The following ZMYND19 variants were observed in gnomAD, a reference collection of about 807,000 sequenced individuals.
The protein encoded by ZMYND19 is zinc finger MYND domain-containing protein 19.
ZMYND19 carries 17 observed loss-of-function variants against 32.0 expected under a neutral mutation model. The observed-to-expected ratio is 0.53, with a 90% CI of 0.36 to 0.80. The LOEUF (loss-of-function observed/expected upper bound fraction) is 0.80. Among genes scored for constraint, ZMYND19 ranks in the 30% least tolerant of loss-of-function variants. ZMYND19 has a pLI of 0.00. For synonymous variants in ZMYND19, 124 were observed against 113.6 expected, an observed-to-expected ratio of 1.09 and a Z score of -0.58; for missense variants, 250 against 293.6, an observed-to-expected ratio of 0.85 and a Z score of 1.09.
chr9:137,589,351 C>G, intron 1 of ZMYND19: 1 of 985,440 alleles, frequency 1.0e-6, no homozygotes, highest in Non-Finnish European at 1.2e-6. Flanking sequence ...GGTCCCAGAA[C>G]GGGCCAGTCT....
At chr9:137,583,189 G>A in intron 4 of ZMYND19, 26 bp from the exon 5 acceptor site, 1 of 1,610,306 alleles carries the variant, frequency 6.2e-7, no homozygotes, top group Non-Finnish European at 8.5e-7. Flanking sequence ...AGACACTTGA[G>A]TGCACTCTGG....
Position 137,589,245 on chromosome 9 carries a change from A to G in ZMYND19, c.52-527T>C, listed in dbSNP as rs188828077. ...AGTTAGAAGGGGTCTCTGGTCTCCG[A>G]CCTGACTGGAGAGCCCACCCTTCCC... On this transcript the variant is annotated intron_variant, in intron 1 of 5. Coordinates refer to ENST00000298585, the MANE Select transcript of ZMYND19 (RefSeq NM_138462.3). The G allele has an allele frequency of 7.7e-3, 5,795 of 752,276 alleles. 30 individuals carry two copies. Among genetic ancestry groups the G allele is most frequent in the Admixed American group, 9.6e-3 (154 of 15,968 alleles). The allele number at this position is 752,276 out of a possible 1,614,324, so 46.6% of individuals were successfully genotyped here. A position where few individuals can be genotyped will look rare whatever the true frequency, so the allele number is the denominator to read the frequency against.
intron 2 of ZMYND19, among the ~76,000 whole-genome samples, chr9:137,588,233 A>AC (rs1337340018): frequency 6.6e-6 from 1 of 152,144 alleles, no homozygotes; most frequent in Non-Finnish European, 1.5e-5. Flanking sequence ...AGGCAGGAAG[A>AC]CCCCATGAGA....
chr9:137,587,538 G>A (rs1461905273), intron 3 of ZMYND19, 179 bp downstream of exon 3: 4 of 640,674 alleles, frequency 6.2e-6, no homozygotes, highest in Non-Finnish European at 1.1e-5. Flanking sequence ...GGTGTTTGAA[G>A]TGCAACATAC....
chr9:137,584,655 G>A (rs1225057150), intron 4 of ZMYND19, among the ~76,000 whole-genome samples: 2 of 152,342 alleles, frequency 1.3e-5, no homozygotes, highest in South Asian at 2.1e-4. Context: ...AACGCAGGAG[G>A]AGATGCTACA....
intron 5 of ZMYND19, 137 bp downstream of exon 5, chr9:137,582,846 C>A (rs1267141186): frequency 6.6e-7 from 1 of 1,504,026 alleles, no homozygotes; most frequent in Non-Finnish European, 8.9e-7. Flanking sequence ...AAAGGGAGAC[C>A]ACTCTGGTGG....
chr9:137,582,417 T>A lies in ZMYND19; in HGVS notation c.*126A>T, dbSNP rs1842156747. ...CACAGACTGCCTGTGACATCGGGAG[T>A]CTCACGGCAGCTGTCCTGGGCCCGC... On this transcript the variant is annotated 3_prime_UTR_variant, in exon 6 of 6. Coordinates refer to ENST00000298585, the MANE Select transcript of ZMYND19 (RefSeq NM_138462.3). 1 of 1,355,696 alleles carries A rather than the reference T, an allele frequency of 7.4e-7. No homozygotes were observed. Among genetic ancestry groups the A allele is most frequent in the Middle Eastern group, 2.7e-4 (1 of 3,730 alleles). 84.0% of individuals were successfully genotyped at this position (1,355,696 alleles called of 1,614,324 possible). A position where few individuals can be genotyped will look rare whatever the true frequency, so the allele number is the denominator to read the frequency against.
intron 1 of ZMYND19, chr9:137,589,113 GTGTGT>G (rs1842240470): frequency 5.0e-6 from 1 of 199,086 alleles, no homozygotes; most frequent in African/African-American, 2.3e-5. Flanking sequence ...TTTGATTAGG[GTGTGT>G]TTATTAAGCT....
intron 4 of ZMYND19, among the ~76,000 whole-genome samples, chr9:137,586,627 C>G (rs1324615527): frequency 6.6e-6 from 1 of 152,170 alleles, no homozygotes; most frequent in Non-Finnish European, 1.5e-5. Context: ...TGATGCCTCC[C>G]AGGGGTGTGG....
At chr9:137,589,980 CG>C (rs1284839530) in intron 1 of ZMYND19, 7 of 985,138 alleles carry the variant, frequency 7.1e-6, no homozygotes, top group Non-Finnish European at 8.4e-6. Context: ...AGGGCAGGGC[CG>C]AGGGTGGCCA....
chr9:137,589,971 G>A (rs933942700), intron 1 of ZMYND19: 13 of 985,178 alleles, frequency 1.3e-5, no homozygotes, highest in Non-Finnish European at 1.6e-5. Flanking sequence ...ACCTCCGGCA[G>A]GGCAGGGCCG....
Position 137,590,169 on chromosome 9 carries a change from T to G in ZMYND19, c.51+44A>C, listed in dbSNP as rs1256738389. 8.1e-6 allele frequency: 8 copies of G among 990,478 alleles called. No individual in the cohort carries two copies. The highest frequency in any genetic ancestry group is 8.3e-6 in the Non-Finnish European group (7 of 847,534). The allele number at this position is 990,478 out of a possible 1,614,324, so 61.4% of individuals were successfully genotyped here. A position where few individuals can be genotyped will look rare whatever the true frequency, so the allele number is the denominator to read the frequency against. On this transcript the variant is annotated intron_variant, in intron 1 of 5. Coordinates refer to ENST00000298585, the MANE Select transcript of ZMYND19 (RefSeq NM_138462.3). The surrounding 1 kb of genome is among the most constrained non-coding windows in gnomAD (Gnocchi z 4.2). Reference sequence around the variant, plus strand: ...CCGCCCCCGGCCCCGCGCGGAGGCCTGGACGGGCGAGACGGGCCGGGTCGC... The same window carrying G: ...CCGCCCCCGGCCCCGCGCGGAGGCCGGGACGGGCGAGACGGGCCGGGTCGC...
intron 4 of ZMYND19, among the ~76,000 whole-genome samples, chr9:137,585,260 T>G (rs1842191510): frequency 6.6e-6 from 1 of 150,448 alleles, no homozygotes; most frequent in African/African-American, 2.5e-5. Context: ...CCACCTCTAC[T>G]AAAAATACAA....
intron 1 of ZMYND19, 94 bp from the exon 2 acceptor site, chr9:137,588,812 T>C: frequency 6.8e-7 from 1 of 1,472,918 alleles, no homozygotes; most frequent in Non-Finnish European, 9.5e-7. Flanking sequence ...CCTGTTGCAT[T>C]TTCCTGTGAA....
rs542592248 is a variant in ZMYND19, at chr9:137,582,878, C to T, written c.540+105G>A. On this transcript the variant is annotated intron_variant, in intron 5 of 5. Coordinates refer to ENST00000298585, the MANE Select transcript of ZMYND19 (RefSeq NM_138462.3). ...GTGGAAAAGCCCAAGAGGTGCTAAG[C>T]GGTCTCTGGGGAATGGGACCCCGCG... 124 of 1,533,286 alleles carry T rather than the reference C, an allele frequency of 8.1e-5. 1 individual carries two copies. The South Asian group carries it at 1.4e-3, about 17-fold the overall frequency. The allele number at this position is 1,533,286 out of a possible 1,614,324, so 95.0% of individuals were successfully genotyped here. A position where few individuals can be genotyped will look rare whatever the true frequency, so the allele number is the denominator to read the frequency against.
Position 137,583,079 on chromosome 9 carries a change from C to T in ZMYND19, c.444G>A (p.Arg148=), listed in dbSNP as rs1289214319. 1 of 1,614,214 alleles carries T rather than the reference C, an allele frequency of 6.2e-7. No individual in the cohort carries two copies. The highest frequency in any genetic ancestry group is 8.5e-7 in the Non-Finnish European group (1 of 1,180,024). Residue 148 remains arginine, a synonymous_variant, in exon 5 of 6, where the codon CGG becomes CGA. Transcript: ENST00000298585. The part of the protein sequence containing the change: ...EEQFPVLNVT[R]YYNANGDVVE... ...CTACATCCCCGTTGGCATTATAATA[C>T]CGGGTCACATTTAGGACAGGAAACT...
chr9:137,584,256 C>T (rs1842179331), intron 4 of ZMYND19, among the ~76,000 whole-genome samples: 1 of 152,262 alleles, frequency 6.6e-6, no homozygotes, highest in African/African-American at 2.4e-5. Flanking sequence ...AGTCCTGAGC[C>T]ACCCCAGGCC....
At chr9:137,589,895 G>A (rs984900248) in intron 1 of ZMYND19, 1 of 985,324 alleles carries the variant, frequency 1.0e-6, no homozygotes, top group Non-Finnish European at 1.2e-6. Flanking sequence ...GAGGGCTCCG[G>A]GAGAACGCGG....
intron 4 of ZMYND19, among the ~76,000 whole-genome samples, chr9:137,585,600 T>G (rs1842195636): frequency 6.6e-6 from 1 of 152,008 alleles, no homozygotes. Flanking sequence ...GCCTTCGTCC[T>G]GAGAGGCCCA....
Sources: gnomAD v4.1 joint callset for allele counts (sites outside exome capture counted in the v4.1 genomes callset) on GRCh38, gnomAD v4.1.1 for gene constraint, Gnocchi (gnomAD v3.1) non-coding constraint, MANE v1.5 for transcripts, NCBI Gene and HGNC (gene_info 2026-07-23, HGNC 2026-07-21) for gene names.